The following GRIP2 variants were observed in gnomAD, a reference collection of about 807,000 sequenced individuals.
GRIP2 encodes glutamate receptor-interacting protein 2.
A neutral mutation model predicts 108.3 loss-of-function variants in GRIP2; 58 were observed. That is an observed-to-expected ratio of 0.54 (90% confidence interval 0.43 to 0.67). GRIP2 has a LOEUF of 0.67. Ranked by LOEUF, GRIP2 falls within the 30% of genes least tolerant of loss-of-function variation. GRIP2 has a pLI of 0.00. For missense variants in GRIP2, 1,278 were observed against 1,430.6 expected (o/e 0.89, Z 1.72); for synonymous variants, 586 against 598.2 (o/e 0.98, Z 0.30).
chr3:14,502,432 T>C (rs2124853641), intron 21 of GRIP2, among the ~76,000 whole-genome samples: 1 of 150,954 alleles, frequency 6.6e-6, no homozygotes, highest in African/African-American at 2.4e-5. Context: ...AGGTGGAGGC[T>C]GCAGTGAGCC....
At chr3:14,564,605 A>C in the GRIP2 span, among the ~76,000 whole-genome samples, 4 of 152,324 alleles carry the variant, frequency 2.6e-5, no homozygotes, top group Non-Finnish European at 4.4e-5. Flanking sequence ...TGGGGCCTGC[A>C]AGGGCTCCGT....
chr3:14,577,652 T>A, the GRIP2 span, among the ~76,000 whole-genome samples: 1 of 152,206 alleles, frequency 6.6e-6, no homozygotes, highest in Non-Finnish European at 1.5e-5. Context: ...ACCCAGATGG[T>A]GTCCCAGCAG....
Position 14,511,216 on chromosome 3 carries a change from G to A in GRIP2, c.1882C>T (p.Gln628Ter). The change falls in exon 16 of 24, where the codon CAG becomes TAG. Residue 628 changes from glutamine (Q) to a stop codon, truncating the protein, a stop_gained. Coordinates refer to ENST00000621039, the MANE Select transcript of GRIP2 (RefSeq NM_001080423.4). LOFTEE classifies it high-confidence loss of function. This position sits in a 1 kb window ranked among gnomAD's most constrained non-coding sequence, Gnocchi z 4.1. ...TTCAGCTTCACCAGGTCCTCGCACT[G>A]CCGCAGGATTTGCACGGCGTCCTCC... ...PMEDAVQILR[Q>*]CEDLVKLKIR... 6.2e-7 allele frequency: 1 copy of A among 1,614,020 alleles called. No individual in the cohort carries two copies. The highest frequency in any genetic ancestry group is 8.5e-7 in the Non-Finnish European group (1 of 1,179,896).
At chr3:14,580,289 CCT>C in the GRIP2 span, among the ~76,000 whole-genome samples, 1 of 152,220 alleles carries the variant, frequency 6.6e-6, no homozygotes, top group Non-Finnish European at 1.5e-5. Flanking sequence ...CCTGCCCTTC[CCT>C]GAGTGGTTTC....
the GRIP2 span, chr3:14,573,631 CTGTGATGACACAGTCCA>C: frequency 2.0e-6 from 3 of 1,500,456 alleles, no homozygotes; most frequent in Non-Finnish European, 2.8e-6. Flanking sequence ...CAGGGCCGTC[CTGTGATGACACAGTCCA>C]TGTGGGGAAG....
the GRIP2 span, chr3:14,573,776 G>C: frequency 6.5e-7 from 1 of 1,545,928 alleles, no homozygotes; most frequent in East Asian, 2.3e-5. Flanking sequence ...CCTGGTGGCA[G>C]ACAGAGCCAA....
intron 20 of GRIP2, among the ~76,000 whole-genome samples, chr3:14,504,289 G>C (rs1335058632): frequency 6.6e-6 from 1 of 150,508 alleles, no homozygotes; most frequent in Non-Finnish European, 1.5e-5. Context: ...GGCATGCTGT[G>C]ATTTACAAAG....
chr3:14,534,244 C>G (rs1378852749), intron 1 of GRIP2, among the ~76,000 whole-genome samples: 1 of 152,210 alleles, frequency 6.6e-6, no homozygotes, highest in African/African-American at 2.4e-5. Flanking sequence ...GTGACTCGAG[C>G]CTCCATTTTC....
the GRIP2 span, among the ~76,000 whole-genome samples, chr3:14,562,539 C>T: frequency 2.6e-5 from 4 of 152,170 alleles, no homozygotes; most frequent in Non-Finnish European, 5.9e-5. Flanking sequence ...GAATGAAGCA[C>T]GTTTCCTGTG....
chr3:14,591,906 G>T, the GRIP2 span, among the ~76,000 whole-genome samples: 1 of 152,212 alleles, frequency 6.6e-6, no homozygotes, highest in African/African-American at 2.4e-5. Flanking sequence ...ACATCAAGAG[G>T]AAGGGAAGCA....
upstream of GRIP2, among the ~76,000 whole-genome samples, chr3:14,542,793 A>G (rs1300265745): frequency 2.0e-5 from 3 of 152,232 alleles, no homozygotes; most frequent in Non-Finnish European, 4.4e-5. Flanking sequence ...AGAAGCAATT[A>G]TTGGCCCATT....
Position 14,493,360 on chromosome 3 carries a change from C to T in GRIP2, c.*305G>A. 2.8e-6 allele frequency: 1 copy of T among 357,242 alleles called. No homozygotes were observed. Among genetic ancestry groups the T allele is most frequent in the East Asian group, 4.8e-5 (1 of 20,706 alleles). 22.1% of individuals were successfully genotyped at this position (357,242 alleles called of 1,614,324 possible). ...GGCCCCACAGAGACCTGGGACAGCC[C>T]CCAGGCCTCTCTCCTCTCGGCTGAG... is the stretch of plus-strand genomic sequence containing the variant. On this transcript the variant is annotated 3_prime_UTR_variant, in exon 24 of 24. Coordinates refer to ENST00000621039, the MANE Select transcript of GRIP2 (RefSeq NM_001080423.4).
rs1432374235 is a variant in GRIP2 at position 14,520,102 on chromosome 3, G to A, written c.1030+8C>T. ...GTTTGGGCCCTGAGATCTACTGAGGGGACCCACCTGCCTCTGAGGGCCTCA... is the reference window on the plus strand; with the variant it reads ...GTTTGGGCCCTGAGATCTACTGAGGAGACCCACCTGCCTCTGAGGGCCTCA... On this transcript the variant is annotated splice_region_variant and intron_variant, in intron 9 of 23. Coordinates refer to ENST00000621039, the MANE Select transcript of GRIP2 (RefSeq NM_001080423.4). 6.3e-7 allele frequency: 1 copy of A among 1,582,938 alleles called. No homozygotes were observed. Among genetic ancestry groups the A allele is most frequent in the African/African-American group, 1.3e-5 (1 of 74,264 alleles).
chr3:14,541,978 A>G, upstream of GRIP2: 1 of 1,352,108 alleles, frequency 7.4e-7, no homozygotes. Context: ...CTTAGCTTCA[A>G]CCACGCGGGA....
chr3:14,560,053 GA>G (rs1468020841), upstream of GRIP2, among the ~76,000 whole-genome samples: 1 of 152,052 alleles, frequency 6.6e-6, no homozygotes, highest in African/African-American at 2.4e-5. Context: ...AGGAGTTCAA[GA>G]CCCGCCTGGG....
the GRIP2 span, among the ~76,000 whole-genome samples, chr3:14,572,590 T>C: frequency 0.97 from 121,056 of 124,868 alleles, 58,678 homozygotes; most frequent in East Asian, 1. Flanking sequence ...CCAGCCTGGG[T>C]GACAGAGCGA....
At chr3:14,554,257 C>T (rs1162412338) in intron 1 of GRIP2, among the ~76,000 whole-genome samples, 5 of 152,248 alleles carry the variant, frequency 3.3e-5, no homozygotes, top group Non-Finnish European at 4.4e-5. Context: ...CTGGTCTGTC[C>T]GGGCCAATAC....
upstream of GRIP2, among the ~76,000 whole-genome samples, chr3:14,557,274 G>C (rs1007460444): frequency 3.9e-5 from 6 of 152,242 alleles, no homozygotes; most frequent in Non-Finnish European, 8.8e-5. Context: ...TACACAGCGA[G>C]GAAGTGATTC....
the GRIP2 span, among the ~76,000 whole-genome samples, chr3:14,586,388 T>C: frequency 1.3e-5 from 2 of 152,180 alleles, no homozygotes; most frequent in Admixed American, 1.3e-4. Flanking sequence ...GTTAAACAGT[T>C]GTAGAATGAC....
Sources: allele counts gnomAD v4.1 joint callset (sites outside exome capture counted in the v4.1 genomes callset), GRCh38; gene constraint gnomAD v4.1.1; non-coding constraint Gnocchi (gnomAD v3.1); transcripts MANE v1.5; gene names NCBI Gene and HGNC (gene_info 2026-07-23, HGNC 2026-07-21).